The following ZFAND3 variants were observed in gnomAD, a reference collection of about 807,000 sequenced individuals.
ZFAND3 encodes zinc finger AN1-type containing 3, also known as AN1-type zinc finger protein 3.
ZFAND3 carries 10 observed loss-of-function variants against 29.6 expected under a neutral mutation model. The ratio of observed to expected loss-of-function variants is 0.34; its 90% CI spans 0.21 to 0.57. The LOEUF is 0.57. ZFAND3 is among the 20% of genes least tolerant of loss of function. The pLI is 0.86. For synonymous variants in ZFAND3, 128 were observed against 112.6 expected, an observed-to-expected ratio of 1.14 and a Z score of -0.87; for missense variants, 230 against 304.5, an observed-to-expected ratio of 0.76 and a Z score of 1.82.
At position 38,061,587 on chromosome 6, in the gene ZFAND3, C is replaced by T. The variant is rs1561984836; in HGVS notation, c.113-6C>T. The T allele has an allele frequency of 6.2e-7, 1 of 1,613,806 alleles. No individual in the cohort carries two copies. Among genetic ancestry groups the T allele is most frequent in the Non-Finnish European group, 8.5e-7 (1 of 1,179,848 alleles). The stretch of plus-strand genomic sequence containing the variant: ...TTAATTAAGCTCGTTTTCTATTTTT[C>T]TTCAGATTTTCAAAAGAAACAGCCA... On this transcript the variant is annotated splice_region_variant and splice_polypyrimidine_tract_variant and intron_variant, in intron 2 of 5. Coordinates refer to ENST00000287218, the MANE Select transcript of ZFAND3 (RefSeq NM_021943.3).
At chr6:38,041,670 CTTCTT>C (rs1561976716) in intron 2 of ZFAND3, among the ~76,000 whole-genome samples, 4 of 24,384 alleles carry the variant, frequency 1.6e-4, no homozygotes, top group African/African-American at 4.7e-4. Context: ...TCTTCTTCTT[CTTCTT>C]CTTCTTCTTC....
chr6:38,017,016 T>A (rs1457068934), intron 2 of ZFAND3, among the ~76,000 whole-genome samples: 1 of 152,210 alleles, frequency 6.6e-6, no homozygotes, highest in Non-Finnish European at 1.5e-5. Flanking sequence ...CTTGCTTGCC[T>A]TCTGACCAAA....
intron 2 of ZFAND3, among the ~76,000 whole-genome samples, chr6:38,029,109 C>T (rs1385870265): frequency 2.0e-5 from 3 of 152,142 alleles, no homozygotes; most frequent in African/African-American, 7.2e-5. Context: ...TTTATCTGAA[C>T]TCTCTTACCT....
chr6:37,844,070 G>A (rs563104622), intron 1 of ZFAND3, among the ~76,000 whole-genome samples: 1 of 151,664 alleles, frequency 6.6e-6, no homozygotes, highest in Non-Finnish European at 1.5e-5. Flanking sequence ...AGACCACCAC[G>A]CCTGGCTTTT....
intron 5 of ZFAND3, among the ~76,000 whole-genome samples, chr6:38,149,650 C>A (rs1300092172): frequency 6.6e-6 from 1 of 152,018 alleles, no homozygotes; most frequent in Non-Finnish European, 1.5e-5. Flanking sequence ...CTCACATCCA[C>A]CAAGCTGGCT....
chr6:37,924,164 A>G (rs958861128), intron 1 of ZFAND3, among the ~76,000 whole-genome samples: 4 of 152,196 alleles, frequency 2.6e-5, no homozygotes, highest in Non-Finnish European at 5.9e-5. Flanking sequence ...CCAGATACAT[A>G]GGATGACGTT....
chr6:38,054,415 CAAGG>C (rs1190639468), intron 2 of ZFAND3, among the ~76,000 whole-genome samples: 70 of 130,982 alleles, frequency 5.3e-4, no homozygotes, highest in East Asian at 1.1e-3. Context: ...AAAAAAAAAA[CAAGG>C]AAGCACACAA....
intron 1 of ZFAND3, among the ~76,000 whole-genome samples, chr6:37,920,898 G>A (rs574810254): frequency 6.6e-6 from 1 of 152,280 alleles, no homozygotes; most frequent in East Asian, 1.9e-4. Flanking sequence ...TGGTGATTTA[G>A]TAGAGCTGTT....
chr6:37,919,067 C>T (rs565056786), intron 1 of ZFAND3, among the ~76,000 whole-genome samples: 2 of 149,192 alleles, frequency 1.3e-5, no homozygotes, highest in Non-Finnish European at 3.0e-5. Context: ...GATTCTCCTG[C>T]CTCAGCCTCC....
intron 2 of ZFAND3, among the ~76,000 whole-genome samples, chr6:38,015,521 A>G (rs1363890213): frequency 1.3e-5 from 2 of 152,210 alleles, no homozygotes; most frequent in African/African-American, 4.8e-5. Flanking sequence ...GTTTATGTTA[A>G]TGGAAAACTT....
At chr6:37,828,811 C>T (rs1282358575) in intron 1 of ZFAND3, among the ~76,000 whole-genome samples, 4 of 152,012 alleles carry the variant, frequency 2.6e-5, no homozygotes, top group Admixed American at 2.0e-4. Context: ...CCACCACACC[C>T]GGCTAATTTT....
intron 2 of ZFAND3, among the ~76,000 whole-genome samples, chr6:37,971,549 C>G (rs1762387217): frequency 6.6e-6 from 1 of 152,152 alleles, no homozygotes; most frequent in Non-Finnish European, 1.5e-5. Flanking sequence ...CACTTAATTC[C>G]AAGGTTTACT....
intron 2 of ZFAND3, among the ~76,000 whole-genome samples, chr6:37,934,724 A>G (rs899523150): frequency 6.7e-6 from 1 of 149,950 alleles, no homozygotes. Context: ...CTGTAGTCCC[A>G]GCTACTCGGG....
chr6:38,133,503 A>G (rs1475058752), intron 5 of ZFAND3, among the ~76,000 whole-genome samples: 2 of 152,070 alleles, frequency 1.3e-5, no homozygotes, highest in African/African-American at 4.8e-5. Flanking sequence ...TAATCCCAGC[A>G]CTTTGGGAGG....
chr6:37,981,787 G>T (rs1288761504), intron 2 of ZFAND3, among the ~76,000 whole-genome samples: 2 of 152,072 alleles, frequency 1.3e-5, no homozygotes, highest in Non-Finnish European at 2.9e-5. Context: ...ATTTTGCCAG[G>T]GTTAAGGATG....
intron 2 of ZFAND3, among the ~76,000 whole-genome samples, chr6:37,987,817 G>A (rs916364627): frequency 1.1e-4 from 16 of 152,112 alleles, no homozygotes; most frequent in African/African-American, 2.4e-4. Flanking sequence ...AGTGACCCTC[G>A]GTCATGGTTT....
At chr6:37,842,205 T>C (rs1655676401) in intron 1 of ZFAND3, among the ~76,000 whole-genome samples, 1 of 152,188 alleles carries the variant, frequency 6.6e-6, no homozygotes, top group Admixed American at 6.5e-5. Flanking sequence ...GACACCGACA[T>C]TGAGACTGTG....
chr6:37,820,228 T>C (rs77714510), intron 1 of ZFAND3, among the ~76,000 whole-genome samples: 32,594 of 151,554 alleles, frequency 0.22, 4,325 homozygotes, highest in African/African-American at 0.37. Context: ...GGTGCGTTGC[T>C]ACCCTTTGGG....
intron 4 of ZFAND3, among the ~76,000 whole-genome samples, chr6:38,100,446 G>A (rs1251139024): frequency 6.6e-6 from 1 of 152,154 alleles, no homozygotes; most frequent in Non-Finnish European, 1.5e-5. Flanking sequence ...AGTAATTAAT[G>A]CAATGAAAAA....
Sources: allele counts gnomAD v4.1 joint callset (sites outside exome capture counted in the v4.1 genomes callset), GRCh38; gene constraint gnomAD v4.1.1; transcripts MANE v1.5; gene names NCBI Gene and HGNC (gene_info 2026-07-23, HGNC 2026-07-21).